CIBAR1: variants seen among roughly 807,000 people sequenced by gnomAD.
CIBAR1 encodes CBY1 interacting BAR domain containing 1.
Under a neutral mutation model 44.0 loss-of-function variants are expected in CIBAR1, and 25 were observed. The observed-to-expected ratio is 0.57, with a 90% CI of 0.41 to 0.79. CIBAR1 has a LOEUF of 0.79. Ranked by LOEUF, CIBAR1 falls within the 30% of genes least tolerant of loss-of-function variation. The pLI is 0.00. For synonymous variants in CIBAR1, 115 were observed against 119.0 expected (o/e 0.97, Z 0.22); for missense variants, 278 against 344.8 (o/e 0.81, Z 1.53).
At chr8:93,726,338 A>T in intron 7 of CIBAR1, 56 bp from the exon 8 acceptor site, 3 of 1,433,872 alleles carry the variant, frequency 2.1e-6, no homozygotes, top group Non-Finnish European at 2.8e-6. Context: ...ACTTAATTTG[A>T]CTGTCTTGAT....
intron 7 of CIBAR1, among the ~76,000 whole-genome samples, chr8:93,724,946 G>T (rs1811416868): frequency 6.6e-6 from 1 of 152,142 alleles, no homozygotes; most frequent in Non-Finnish European, 1.5e-5. Context: ...ATTAGTTGAA[G>T]GGTAGTCATT....
intron 7 of CIBAR1, among the ~76,000 whole-genome samples, chr8:93,723,020 G>C (rs901012411): frequency 1.3e-5 from 2 of 151,778 alleles, no homozygotes; most frequent in Non-Finnish European, 2.9e-5. Context: ...TTTTTGAGAC[G>C]GAGTCTCGCT....
intron 6 of CIBAR1, among the ~76,000 whole-genome samples, chr8:93,712,903 C>G (rs1040888094): frequency 2.0e-5 from 3 of 151,702 alleles, no homozygotes; most frequent in Non-Finnish European, 1.5e-5. Context: ...CCACTTCAGC[C>G]TCCCAAAGTG....
chr8:93,719,960 C>G (rs1372905480), intron 7 of CIBAR1: 3 of 151,574 alleles, frequency 2.0e-5, no homozygotes, highest in Admixed American at 2.0e-4. Flanking sequence ...TGAAGATTCC[C>G]CCGATTTTTT....
At chr8:93,722,030 T>C (rs1286281607) in intron 7 of CIBAR1, among the ~76,000 whole-genome samples, 1 of 152,084 alleles carries the variant, frequency 6.6e-6, no homozygotes, top group Non-Finnish European at 1.5e-5. Flanking sequence ...AATCATGGCA[T>C]GTCATGGAAA....
At position 93,701,382 on chromosome 8, in the gene CIBAR1, A is replaced by G. The variant is rs773503402; in HGVS notation, c.185A>G (p.Glu62Gly). Residue 62 changes from glutamate to glycine, a missense_variant, in exon 2 of 9, where the codon GAG becomes GGG. Glu to Gly is a moderately conservative substitution (Grantham distance 98, BLOSUM62 -2). Transcript: ENST00000518322. ...GAAATTAACGCGTATGCTGCTACAG[A>G]GACCCCGCATTTAAAGCTGGGCCTG... ...VNEINAYAAT[E>G]TPHLKLGLMN... The G allele has an allele frequency of 6.2e-7, 1 of 1,613,848 alleles. No homozygotes were observed. Among genetic ancestry groups the G allele is most frequent in the Non-Finnish European group, 8.5e-7 (1 of 1,179,876 alleles).
intron 6 of CIBAR1, 119 bp from the exon 7 acceptor site, chr8:93,718,556 T>C (rs565796478): frequency 7.6e-6 from 4 of 527,850 alleles, no homozygotes; most frequent in East Asian, 3.1e-5. Flanking sequence ...ATTTACCCTA[T>C]AGAAAAACAG....
intron 7 of CIBAR1, chr8:93,724,608 G>C: frequency 7.9e-7 from 1 of 1,258,660 alleles, no homozygotes; most frequent in Non-Finnish European, 1.0e-6. Flanking sequence ...GAGAAATTTA[G>C]GGAGAATGCC....
Position 93,731,102 on chromosome 8 carries a change from G to A in CIBAR1, c.*2805G>A, listed in dbSNP as rs1331735614. ...TTGAGCCCAGGAGTTAGAAGCTGCA[G>A]TGAACCATTATCAGACCACTGCACT... On this transcript the variant is annotated 3_prime_UTR_variant, in exon 9 of 9. Coordinates refer to ENST00000518322, the MANE Select transcript of CIBAR1 (RefSeq NM_145269.5). 1.3e-5 allele frequency: 2 copies of A among 152,234 alleles called. No homozygotes were observed. The highest frequency in any genetic ancestry group is 1.9e-4 in the East Asian group (1 of 5,196). 9.4% of individuals were successfully genotyped at this position (152,234 alleles called of 1,614,324 possible).
chr8:93,724,509 G>T, intron 7 of CIBAR1: 1 of 736,396 alleles, frequency 1.4e-6, no homozygotes, highest in Non-Finnish European at 2.1e-6. Flanking sequence ...ATTTTTTGTA[G>T]AGATGGAGTT....
rs780556386 is a variant in CIBAR1, at chr8:93,701,235, C to T, written c.38C>T (p.Thr13Met). The change falls in exon 2 of 9, where the codon ACG becomes ATG. Residue 13 changes from threonine to methionine, a missense_variant. Coordinates refer to ENST00000518322, the MANE Select transcript of CIBAR1 (RefSeq NM_145269.5). ...RRTLENRNAQ[T>M]KQLQTAVSNV... ...CACCTTTTCCCTAGGAACGCTCAAACGAAACAACTGCAAACAGCTGTCTCA... is the reference window on the plus strand; with the variant it reads ...CACCTTTTCCCTAGGAACGCTCAAATGAAACAACTGCAAACAGCTGTCTCA... 3.7e-6 allele frequency: 6 copies of T among 1,612,830 alleles called. No individual in the cohort carries two copies. Among genetic ancestry groups the T allele is most frequent in the Admixed American group, 1.7e-5 (1 of 59,858 alleles).
intron 3 of CIBAR1, 38 bp from the exon 4 acceptor site, chr8:93,704,871 T>G (rs1461127615): frequency 2.3e-6 from 3 of 1,302,434 alleles, no homozygotes; most frequent in Non-Finnish European, 1.1e-6. Context: ...TTTTCTTAAG[T>G]CAGACATTTT....
At chr8:93,726,735 C>A in intron 8 of CIBAR1, 1 of 497,872 alleles carries the variant, frequency 2.0e-6, no homozygotes. Flanking sequence ...AAGCATAACA[C>A]TTGAGAGCAG....
intron 7 of CIBAR1, among the ~76,000 whole-genome samples, chr8:93,720,284 G>GT (rs1301044331): frequency 6.6e-6 from 1 of 151,694 alleles, no homozygotes; most frequent in South Asian, 2.1e-4. Context: ...GCCTGGCCTA[G>GT]TTTTTTTTGT....
intron 6 of CIBAR1, among the ~76,000 whole-genome samples, chr8:93,713,126 A>T (rs758855305): frequency 7.2e-6 from 1 of 137,970 alleles, no homozygotes. Context: ...TCCACCTCCC[A>T]GGTTCAAGTG....
intron 7 of CIBAR1, 50 bp from the exon 8 acceptor site, chr8:93,726,344 T>C: frequency 2.7e-6 from 4 of 1,492,300 alleles, no homozygotes; most frequent in Non-Finnish European, 3.6e-6. Context: ...TTTGACTGTC[T>C]TGATTTTGTT....
chr8:93,729,994 T>C lies in CIBAR1; in HGVS notation c.*1697T>C, dbSNP rs1811724016. ...GTATTTGCATTATACCAGTTCAACA[T>C]TCCTAACCCAAAAATCTGAAATCTT... On this transcript the variant is annotated 3_prime_UTR_variant, in exon 9 of 9. Coordinates refer to ENST00000518322, the MANE Select transcript of CIBAR1 (RefSeq NM_145269.5). 6.6e-6 allele frequency: 1 copy of C among 152,190 alleles called. No homozygotes were observed. Among genetic ancestry groups the C allele is most frequent in the Admixed American group, 6.5e-5 (1 of 15,284 alleles). The allele number at this position is 152,190 out of a possible 1,614,324, so 9.4% of individuals were successfully genotyped here. A position where few individuals can be genotyped will look rare whatever the true frequency, so the allele number is the denominator to read the frequency against.
At chr8:93,704,223 A>G (rs1810487308) in intron 3 of CIBAR1, among the ~76,000 whole-genome samples, 1 of 152,200 alleles carries the variant, frequency 6.6e-6, no homozygotes, top group East Asian at 1.9e-4. Flanking sequence ...AATAATTATG[A>G]AAAATATATG....
chr8:93,720,659 T>C (rs1811228566), intron 7 of CIBAR1: 1 of 152,044 alleles, frequency 6.6e-6, no homozygotes, highest in South Asian at 2.1e-4. Context: ...TCACCTGAGG[T>C]CAGGAGTTCG....
Sources: allele counts gnomAD v4.1 joint callset (sites outside exome capture counted in the v4.1 genomes callset), GRCh38; gene constraint gnomAD v4.1.1; transcripts MANE v1.5; gene names NCBI Gene and HGNC (gene_info 2026-07-23, HGNC 2026-07-21).